The following ZNF600 variants were observed in gnomAD, a reference collection of about 807,000 sequenced individuals.
ZNF600 encodes zinc finger protein KR-ZNF1.
Under a neutral mutation model 7.3 loss-of-function variants are expected in ZNF600, and 4 were observed. That is an observed-to-expected ratio of 0.55 (90% CI 0.27 to 1.25). The LOEUF is 1.25. Ranked by LOEUF, ZNF600 falls within the 50% of genes most tolerant of loss-of-function variation. ZNF600 has a pLI of 0.12. For missense variants in ZNF600, 911 were observed against 922.1 expected (o/e 0.99, Z 0.16); for synonymous variants, 290 against 308.9 (o/e 0.94, Z 0.64).
chr19:52,822,780 TACA>T, the ZNF600 span, among the ~76,000 whole-genome samples: 1 of 152,194 alleles, frequency 6.6e-6, no homozygotes, highest in African/African-American at 2.4e-5. Context: ...GTGTGAGTTT[TACA>T]ACATGGAGGC....
chr19:52,784,042 T>A (rs12972723), intron 1 of ZNF600, among the ~76,000 whole-genome samples: 1 of 151,718 alleles, frequency 6.6e-6, no homozygotes, highest in African/African-American at 2.4e-5. Flanking sequence ...GCCAGTGCAC[T>A]CCAGCTTGGG....
chr19:52,815,273 TG>T, the ZNF600 span, among the ~76,000 whole-genome samples: 3 of 145,408 alleles, frequency 2.1e-5, no homozygotes, highest in South Asian at 7.0e-4. Flanking sequence ...CTCAGCACTT[TG>T]GGAGGCTGAG....
At chr19:52,820,399 G>T in the ZNF600 span, among the ~76,000 whole-genome samples, 1 of 94,170 alleles carries the variant, frequency 1.1e-5, no homozygotes, top group East Asian at 2.9e-4. Flanking sequence ...TTACAGGCGT[G>T]AGCCACCGCG....
the ZNF600 span, chr19:52,810,472 T>C: frequency 2.6e-5 from 42 of 1,590,472 alleles, no homozygotes; most frequent in Admixed American, 8.4e-5. Flanking sequence ...CAGTGAGGAC[T>C]TCCTTGGCCT....
rs752852341 is a variant in ZNF600, at chr19:52,765,876, A to C, written c.2087T>G (p.Leu696Arg). The C allele has an allele frequency of 4.4e-5, 71 of 1,613,842 alleles. 1 individual carries two copies. The highest frequency in any genetic ancestry group is 2.5e-4 in the South Asian group (23 of 91,078). The change falls in exon 4 of 4, where the codon CTT (leucine) becomes CGT (arginine). Residue 696 changes from leucine (L) to arginine (R), a missense_variant. By Grantham distance (102) the Leu-to-Arg change is moderately radical. Transcript: ENST00000648973. ...CTCCCCAGCATGAATTCTATGATGAAGTGAAAGTTGTGATTGTTGATTAAA... is the reference window on the plus strand; with the variant it reads ...CTCCCCAGCATGAATTCTATGATGACGTGAAAGTTGTGATTGTTGATTAAA...
intron 2 of ZNF600, among the ~76,000 whole-genome samples, chr19:52,777,364 G>A (rs375306198): frequency 2.0e-5 from 3 of 152,044 alleles, no homozygotes; most frequent in Admixed American, 6.6e-5. Context: ...GCAACGGAGC[G>A]AGACTCCATC....
the ZNF600 span, among the ~76,000 whole-genome samples, chr19:52,794,369 G>A: frequency 2.0e-5 from 3 of 152,132 alleles, no homozygotes; most frequent in Non-Finnish European, 2.9e-5. Flanking sequence ...AGGGGTCAGC[G>A]TCACTCTGAC....
intron 1 of ZNF600, among the ~76,000 whole-genome samples, chr19:52,782,379 C>T (rs1426879612): frequency 1.3e-5 from 2 of 151,592 alleles, no homozygotes; most frequent in African/African-American, 2.4e-5. Flanking sequence ...CAAAATTAGC[C>T]GGCCATGGTG....
upstream of ZNF600, among the ~76,000 whole-genome samples, chr19:52,787,694 TA>T (rs1437198671): frequency 9.3e-5 from 14 of 150,460 alleles, no homozygotes; most frequent in Admixed American, 1.3e-4. Flanking sequence ...CCATCTCTAC[TA>T]AAAAATACAA....
chr19:52,813,968 T>G, the ZNF600 span, among the ~76,000 whole-genome samples: 2 of 146,888 alleles, frequency 1.4e-5, no homozygotes, highest in African/African-American at 5.3e-5. Context: ...GGTGGGAATT[T>G]TTTTTAATAT....
chr19:52,795,304 A>T, the ZNF600 span, among the ~76,000 whole-genome samples: 1 of 152,226 alleles, frequency 6.6e-6, no homozygotes, highest in African/African-American at 2.4e-5. Flanking sequence ...ATCTTTATCA[A>T]GTACACATTG....
At chr19:52,775,615 C>CAT (rs1473801343) in intron 2 of ZNF600, among the ~76,000 whole-genome samples, 1 of 149,068 alleles carries the variant, frequency 6.7e-6, no homozygotes, top group African/African-American at 2.6e-5. Flanking sequence ...TTATGTTCAA[C>CAT]ATACCAGGTG....
chr19:52,799,299 T>C, the ZNF600 span: 5 of 437,066 alleles, frequency 1.1e-5, no homozygotes, highest in South Asian at 1.0e-4. Context: ...AATTCTAATA[T>C]GTTTTGCCAG....
intron 1 of ZNF600, among the ~76,000 whole-genome samples, chr19:52,783,325 C>T (rs12460613): frequency 6.2e-4 from 95 of 152,280 alleles, no homozygotes; most frequent in African/African-American, 2.1e-3. Context: ...CCAGGGTCCC[C>T]CTTCGTCTTC....
chr19:52,829,557 A>T, the ZNF600 span, among the ~76,000 whole-genome samples: 1 of 151,476 alleles, frequency 6.6e-6, no homozygotes, highest in African/African-American at 2.4e-5. Context: ...TATTTGTAGT[A>T]GAGATGGGGT....
At chr19:52,785,832 T>C (rs922118756) in intron 1 of ZNF600, among the ~76,000 whole-genome samples, 2 of 152,168 alleles carry the variant, frequency 1.3e-5, no homozygotes, top group African/African-American at 4.8e-5. Context: ...CCCTCTTTGC[T>C]GCCCCTCTCC....
intron 1 of ZNF600, among the ~76,000 whole-genome samples, chr19:52,779,897 G>A (rs528637164): frequency 3.3e-5 from 5 of 152,086 alleles, no homozygotes; most frequent in South Asian, 2.1e-4. Flanking sequence ...AAACTGATCC[G>A]GGCATCTACT....
At chr19:52,764,564 C>T (rs1417975478) in exon 4 of ZNF600, 2 of 146,490 alleles carry the variant, frequency 1.4e-5, no homozygotes, top group East Asian at 4.0e-4. Context: ...GTCGCCCAGG[C>T]CGGAGTGCAG....
At chr19:52,828,821 T>C in the ZNF600 span, among the ~76,000 whole-genome samples, 1 of 152,204 alleles carries the variant, frequency 6.6e-6, no homozygotes, top group African/African-American at 2.4e-5. Flanking sequence ...GGGTGTTGAC[T>C]ACTCATGAAT....
Sources: allele counts gnomAD v4.1 joint callset (sites outside exome capture counted in the v4.1 genomes callset), GRCh38; gene constraint gnomAD v4.1.1; transcripts MANE v1.5; gene names NCBI Gene and HGNC (gene_info 2026-07-23, HGNC 2026-07-21).